Variants in TMEM178B observed in about 807,000 individuals in gnomAD.
TMEM178B encodes transmembrane protein 178B.
TMEM178B carries 5 observed loss-of-function variants against 31.0 expected under a neutral mutation model. That is an observed-to-expected ratio of 0.16 (90% CI 0.08 to 0.34). The LOEUF (loss-of-function observed/expected upper bound fraction) is 0.34. Ranked by LOEUF, TMEM178B falls within the 10% of genes least tolerant of loss-of-function variation. The probability of loss-of-function intolerance (pLI) is 1.00; values close to 1 mark genes in which losing one functional copy is unlikely to be tolerated. For missense variants in TMEM178B, 275 were observed against 400.3 expected (o/e 0.69, Z 2.67); for synonymous variants, 164 against 164.0 (o/e 1.00, Z 0.00).
intron 3 of TMEM178B, among the ~76,000 whole-genome samples, chr7:141,446,188 T>C (rs1801750925): frequency 6.6e-6 from 1 of 152,124 alleles, no homozygotes; most frequent in Non-Finnish European, 1.5e-5. Flanking sequence ...AGGGCCTCAT[T>C]TTCACACTGA....
intron 2 of TMEM178B, among the ~76,000 whole-genome samples, chr7:141,360,712 T>C (rs2116546074): frequency 6.6e-6 from 1 of 152,322 alleles, no homozygotes; most frequent in Non-Finnish European, 1.5e-5. Context: ...GATTTTCTGA[T>C]ACTTGCAGCC....
intron 2 of TMEM178B, among the ~76,000 whole-genome samples, chr7:141,249,541 G>T (rs549718740): frequency 6.6e-6 from 1 of 152,340 alleles, no homozygotes; most frequent in African/African-American, 2.4e-5. Context: ...TGAAATGGCA[G>T]AAGTAGGCAA....
intron 2 of TMEM178B, 88 bp downstream of exon 2, chr7:141,212,792 A>G (rs566245023): frequency 2.0e-5 from 21 of 1,054,956 alleles, no homozygotes; most frequent in African/African-American, 1.3e-4. Flanking sequence ...TCCTTCTGGG[A>G]TCTGTGGATG....
At chr7:141,135,527 G>A (rs932651809) in intron 1 of TMEM178B, among the ~76,000 whole-genome samples, 1 of 152,120 alleles carries the variant, frequency 6.6e-6, no homozygotes, top group Non-Finnish European at 1.5e-5. Context: ...ATCATATCAA[G>A]TATCTTCTCA....
chr7:141,304,909 A>G (rs1798790302), intron 2 of TMEM178B, among the ~76,000 whole-genome samples: 1 of 152,110 alleles, frequency 6.6e-6, no homozygotes, highest in Non-Finnish European at 1.5e-5. Flanking sequence ...TCTCCTTACT[A>G]CACACCCACT....
At chr7:141,270,376 C>T (rs1031030648) in intron 2 of TMEM178B, among the ~76,000 whole-genome samples, 10 of 152,088 alleles carry the variant, frequency 6.6e-5, no homozygotes, top group African/African-American at 2.4e-4. Context: ...TCACCGCAGC[C>T]TCTGCCTCCT....
At chr7:141,495,354 C>T in the TMEM178B span, among the ~76,000 whole-genome samples, 2 of 152,166 alleles carry the variant, frequency 1.3e-5, no homozygotes, top group Admixed American at 6.5e-5. Context: ...GGAGTCAGCA[C>T]CCAAGGACCC....
chr7:141,190,954 C>T (rs1462417224), intron 1 of TMEM178B, among the ~76,000 whole-genome samples: 1 of 152,124 alleles, frequency 6.6e-6, no homozygotes, highest in Non-Finnish European at 1.5e-5. Flanking sequence ...CACTTAACAT[C>T]GTCAATAGGT....
At chr7:141,203,877 C>T (rs1796919355) in intron 1 of TMEM178B, among the ~76,000 whole-genome samples, 1 of 152,194 alleles carries the variant, frequency 6.6e-6, no homozygotes, top group South Asian at 2.1e-4. Flanking sequence ...AGGAAACACA[C>T]GGACTCTCAG....
chr7:141,096,972 C>T (rs1416693002), intron 1 of TMEM178B, among the ~76,000 whole-genome samples: 1 of 152,034 alleles, frequency 6.6e-6, no homozygotes, highest in Admixed American at 6.5e-5. Flanking sequence ...TGCCTGTAGT[C>T]CCAGCTACTC....
intron 1 of TMEM178B, among the ~76,000 whole-genome samples, chr7:141,119,555 AC>A (rs1272592133): frequency 6.6e-6 from 1 of 152,174 alleles, no homozygotes; most frequent in African/African-American, 2.4e-5. Flanking sequence ...GTTCTGTGTA[AC>A]ATCTACACCT....
At chr7:141,112,494 T>C (rs117628489) in intron 1 of TMEM178B, among the ~76,000 whole-genome samples, 4,241 of 152,312 alleles carry the variant, frequency 0.028, 222 homozygotes, top group East Asian at 0.14. Context: ...ACTCAAGTGA[T>C]CCTCCTGCCT....
At chr7:141,334,430 A>G (rs2116495906) in intron 2 of TMEM178B, among the ~76,000 whole-genome samples, 1 of 152,348 alleles carries the variant, frequency 6.6e-6, no homozygotes, top group Non-Finnish European at 1.5e-5. Context: ...TAGTCATCAC[A>G]TGCTAGCTAT....
At chr7:141,432,787 T>A (rs555856622) in intron 2 of TMEM178B, among the ~76,000 whole-genome samples, 1 of 152,340 alleles carries the variant, frequency 6.6e-6, no homozygotes, top group South Asian at 2.1e-4. Context: ...CTCAGATATA[T>A]GAAGATGGTT....
chr7:141,310,407 ATTATTG>A (rs1194518187), intron 2 of TMEM178B, among the ~76,000 whole-genome samples: 1 of 152,202 alleles, frequency 6.6e-6, no homozygotes, highest in Non-Finnish European at 1.5e-5. Flanking sequence ...GGCAATTACT[ATTATTG>A]TTATTTTTAT....
At chr7:141,130,816 T>C (rs1416407285) in intron 1 of TMEM178B, among the ~76,000 whole-genome samples, 1 of 152,192 alleles carries the variant, frequency 6.6e-6, no homozygotes, top group Non-Finnish European at 1.5e-5. Context: ...CATGCATGCT[T>C]TTTATTGCTA....
At chr7:141,450,191 C>T (rs561173932) in intron 3 of TMEM178B, among the ~76,000 whole-genome samples, 1 of 152,324 alleles carries the variant, frequency 6.6e-6, no homozygotes, top group African/African-American at 2.4e-5. Flanking sequence ...AATGCACTCA[C>T]CCTATCTATA....
chr7:141,087,341 A>C (rs1794805354), intron 1 of TMEM178B, among the ~76,000 whole-genome samples: 1 of 152,222 alleles, frequency 6.6e-6, no homozygotes, highest in South Asian at 2.1e-4. Flanking sequence ...AGAGGAGGAA[A>C]TCAGGGCTTT....
chr7:141,296,038 C>G (rs1452578648), intron 2 of TMEM178B, among the ~76,000 whole-genome samples: 1 of 151,922 alleles, frequency 6.6e-6, no homozygotes, highest in East Asian at 1.9e-4. Context: ...CAACAAAACC[C>G]TAAATGTTTG....
Sources: allele counts gnomAD v4.1 joint callset (sites outside exome capture counted in the v4.1 genomes callset), GRCh38; gene constraint gnomAD v4.1.1; transcripts MANE v1.5; gene names NCBI Gene and HGNC (gene_info 2026-07-23, HGNC 2026-07-21).